The following TVP23A variants were observed in gnomAD, a reference collection of about 807,000 sequenced individuals.
TVP23A encodes Golgi apparatus membrane protein TVP23 homolog A.
TVP23A carries 21 observed loss-of-function variants against 31.7 expected under a neutral mutation model. That is an observed-to-expected ratio of 0.66 (90% CI 0.47 to 0.95). The LOEUF is 0.95. TVP23A is among the 40% of genes least tolerant of loss of function. The pLI is 0.00. For missense variants in TVP23A, 279 were observed against 255.6 expected, an observed-to-expected ratio of 1.09 and a Z score of -0.62; for synonymous variants, 104 against 96.0, an observed-to-expected ratio of 1.08 and a Z score of -0.49.
intron 2 of TVP23A, among the ~76,000 whole-genome samples, chr16:10,805,131 A>G (rs925663647): frequency 6.6e-6 from 1 of 151,990 alleles, no homozygotes; most frequent in Non-Finnish European, 1.5e-5. Flanking sequence ...TGCTGGGTTC[A>G]AGCGATTCTT....
At chr16:10,794,380 G>A (rs548477918) in intron 2 of TVP23A, among the ~76,000 whole-genome samples, 1 of 152,110 alleles carries the variant, frequency 6.6e-6, no homozygotes, top group African/African-American at 2.4e-5. Flanking sequence ...TGGATTAGGG[G>A]CCTGCCCTAC....
chr16:10,798,448 C>G (rs74007551), intron 2 of TVP23A, among the ~76,000 whole-genome samples: 21,573 of 152,064 alleles, frequency 0.14, 3,162 homozygotes, highest in African/African-American at 0.38. Context: ...GATACCCATG[C>G]GTTTGTTCCT....
intron 2 of TVP23A, among the ~76,000 whole-genome samples, chr16:10,807,182 G>A (rs1484717878): frequency 6.6e-6 from 1 of 152,148 alleles, no homozygotes; most frequent in East Asian, 1.9e-4. Context: ...AATCAACAAA[G>A]AAAAACTAAA....
Position 10,768,172 on chromosome 16 carries a change from G to A in TVP23A, c.*930C>T, listed in dbSNP as rs2031181465. On this transcript the variant is annotated 3_prime_UTR_variant, in exon 8 of 8. Transcript: ENST00000299866. The surrounding 1 kb of genome is among the most constrained non-coding windows in gnomAD (Gnocchi z 4.3). ...GCCCCCATAGCCGAGGAAGCCAGGA[G>A]TCCATGAGAAATCTCTCAATGTGTG... 1.5e-6 allele frequency: 1 copy of A among 655,294 alleles called. No homozygotes were observed. Among genetic ancestry groups the A allele is most frequent in the Admixed American group, 2.8e-5 (1 of 36,132 alleles). 40.6% of individuals were successfully genotyped at this position (655,294 alleles called of 1,614,324 possible).
At position 10,773,401 on chromosome 16, in the gene TVP23A, C is replaced by G; in HGVS notation, c.365G>C (p.Arg122Pro). 2 of 1,610,382 alleles carry G rather than the reference C, an allele frequency of 1.2e-6. No individual in the cohort carries two copies. Among genetic ancestry groups the G allele is most frequent in the African/African-American group, 2.7e-5 (2 of 74,886 alleles). The change falls in exon 5 of 8, where the codon CGA becomes CCA. Residue 122 changes from arginine (R) to proline (P), a missense_variant. Transcript: ENST00000299866. ...NSIAATEAEARIFWLGLIICP... is the reference protein window; with the variant it reads ...NSIAATEAEAPIFWLGLIICP... ...GATTATGAGGCCCAGCCAGAAGATT[C>G]GTGCTTCAGCTTCTGTGGCAGCAAT...
At position 10,770,291 on chromosome 16, in the gene TVP23A, AGCCCCTCGAG is replaced by A; in HGVS notation, c.613_622del (p.Leu205TrpfsTer9). 6.4e-7 allele frequency: 1 copy of A among 1,551,024 alleles called. No individual in the cohort carries two copies. The highest frequency in any genetic ancestry group is 8.7e-7 in the Non-Finnish European group (1 of 1,146,844). ...TCTCACCTAATGCTGGTGAATCTCCAGCCCCTCGAGGCCAGGCTTCTGAAAGTCACCTGGG... is the reference window on the plus strand; with the variant it reads ...TCTCACCTAATGCTGGTGAATCTCCAGCCAGGCTTCTGAAAGTCACCTGGG... On this transcript the variant is annotated frameshift_variant, in exon 7 of 8. Transcript: ENST00000299866. LOFTEE classifies it high-confidence loss of function.
chr16:10,784,402 A>G (rs2032614553), intron 2 of TVP23A, among the ~76,000 whole-genome samples: 1 of 151,740 alleles, frequency 6.6e-6, no homozygotes, highest in South Asian at 2.1e-4. Context: ...AAAAAAAAAA[A>G]GAAAGAAAAT....
At chr16:10,769,697 T>TG (rs2031401220) in intron 7 of TVP23A, among the ~76,000 whole-genome samples, 1 of 152,218 alleles carries the variant, frequency 6.6e-6, no homozygotes, top group East Asian at 1.9e-4. Context: ...AGACAGAATG[T>TG]GGGGTCTGTG....
chr16:10,784,057 G>C (rs58307544), intron 2 of TVP23A, among the ~76,000 whole-genome samples: 8,104 of 152,196 alleles, frequency 0.053, 809 homozygotes, highest in East Asian at 0.49. Flanking sequence ...TGGGCTAGGC[G>C]TGGTGGCTCA....
intron 2 of TVP23A, among the ~76,000 whole-genome samples, chr16:10,805,958 C>G (rs1023679697): frequency 6.6e-6 from 1 of 152,174 alleles, no homozygotes; most frequent in African/African-American, 2.4e-5. Flanking sequence ...GTGGGGGCTG[C>G]TACCAGCATC....
intron 3 of TVP23A, 27 bp downstream of exon 3, chr16:10,774,925 T>A (rs775365328): frequency 1.2e-6 from 2 of 1,603,280 alleles, no homozygotes; most frequent in Admixed American, 3.4e-5. Flanking sequence ...GTTTCGGAAG[T>A]GATGACATCA....
At chr16:10,799,742 A>T (rs1227275545) in intron 2 of TVP23A, among the ~76,000 whole-genome samples, 1 of 152,210 alleles carries the variant, frequency 6.6e-6, no homozygotes, top group African/African-American at 2.4e-5. Flanking sequence ...TGGTGAAATG[A>T]GGGGTCCCAG....
chr16:10,794,637 G>C (rs1016093730), intron 2 of TVP23A, among the ~76,000 whole-genome samples: 2 of 152,144 alleles, frequency 1.3e-5, no homozygotes, highest in Admixed American at 6.5e-5. Context: ...TGGGAGTAAA[G>C]AATCAGTTAT....
At chr16:10,816,869 A>T (rs1322113527) in intron 2 of TVP23A, among the ~76,000 whole-genome samples, 1 of 151,790 alleles carries the variant, frequency 6.6e-6, no homozygotes, top group Non-Finnish European at 1.5e-5. Flanking sequence ...AACTTAAAGT[A>T]CAATAATAAT....
chr16:10,789,117 C>T (rs775617572), intron 2 of TVP23A, among the ~76,000 whole-genome samples: 3 of 152,158 alleles, frequency 2.0e-5, no homozygotes, highest in Non-Finnish European at 2.9e-5. Flanking sequence ...CATGAGCCAC[C>T]GTGCCCGGAC....
At chr16:10,776,066 A>T (rs543089832) in intron 2 of TVP23A, among the ~76,000 whole-genome samples, 75 of 150,154 alleles carry the variant, frequency 5.0e-4, no homozygotes, top group African/African-American at 1.7e-3. Flanking sequence ...TTTTATTATT[A>T]TTATTTTTTA....
chr16:10,809,803 A>G (rs1228313952), intron 2 of TVP23A, among the ~76,000 whole-genome samples: 1 of 152,204 alleles, frequency 6.6e-6, no homozygotes, highest in Admixed American at 6.5e-5. Context: ...GGAAACCCAC[A>G]ACACTCACTC....
At position 10,774,079 on chromosome 16, in the gene TVP23A, T is replaced by G. The variant is rs776867182; in HGVS notation, c.284A>C (p.Asp95Ala). Residue 95 changes from aspartate (D) to alanine (A), a missense_variant, in exon 4 of 8, where the codon GAT (aspartate) becomes GCT (alanine). Physicochemically the swap from Asp to Ala is moderately radical, Grantham distance 126. Transcript: ENST00000299866. ...GATCCAGTGGCTCTTCCCATCTTCA[T>G]CTATCTGGTTCCACCATCGAAGGCC... ...LVGLRWWNQI[D>A]EDGKSHWIFE... The G allele has an allele frequency of 1.2e-6, 2 of 1,612,164 alleles. No homozygotes were observed. Among genetic ancestry groups the G allele is most frequent in the East Asian group, 4.5e-5 (2 of 44,876 alleles).
In TVP23A at chr16:10,775,338, G is replaced by A. The variant is rs180843200; in HGVS notation, c.90-242C>T. 857 of 1,321,032 alleles carry A rather than the reference G, an allele frequency of 6.5e-4. 8 individuals carry two copies. The South Asian group carries it at 7.1e-3, about 11-fold the overall frequency. 81.8% of individuals were successfully genotyped at this position (1,321,032 alleles called of 1,614,324 possible). A position where few individuals can be genotyped will look rare whatever the true frequency, so the allele number is the denominator to read the frequency against. ...CCTTCGAAGAATCCAGTACTTTCCC[G>A]CCACTTGACTCCAAATATCACTTGC... On this transcript the variant is annotated intron_variant, in intron 2 of 7. Transcript: ENST00000299866.
Sources: gnomAD v4.1 joint callset for allele counts (sites outside exome capture counted in the v4.1 genomes callset) on GRCh38, gnomAD v4.1.1 for gene constraint, Gnocchi (gnomAD v3.1) non-coding constraint, MANE v1.5 for transcripts, NCBI Gene and HGNC (gene_info 2026-07-23, HGNC 2026-07-21) for gene names.